DIPK1A: variants seen among roughly 807,000 people sequenced by gnomAD.
The protein encoded by DIPK1A is family with sequence similarity 69 member A.
DIPK1A carries 27 observed loss-of-function variants against 40.8 expected under a neutral mutation model. The observed-to-expected ratio is 0.66, with a 90% CI of 0.49 to 0.91. DIPK1A has a LOEUF of 0.91. DIPK1A is among the 40% of genes least tolerant of loss of function. The pLI, the probability that DIPK1A is intolerant of heterozygous loss-of-function variation, is 0.00. For missense variants in DIPK1A, 412 were observed against 505.7 expected, an observed-to-expected ratio of 0.81 and a Z score of 1.78; for synonymous variants, 166 against 171.3, an observed-to-expected ratio of 0.97 and a Z score of 0.24.
chr1:92,904,445 G>A (rs1198693382), intron 1 of DIPK1A, among the ~76,000 whole-genome samples: 1 of 152,104 alleles, frequency 6.6e-6, no homozygotes, highest in Admixed American at 6.5e-5. Flanking sequence ...TGTTTTAAGT[G>A]AATGTTGCTA....
chr1:92,919,336 T>C (rs17131670), intron 1 of DIPK1A, among the ~76,000 whole-genome samples: 5,263 of 152,204 alleles, frequency 0.035, 285 homozygotes, highest in African/African-American at 0.11. Flanking sequence ...TAGCTTCATC[T>C]CTCACCACCG....
intron 1 of DIPK1A, among the ~76,000 whole-genome samples, chr1:92,884,460 A>G (rs1283023535): frequency 6.6e-6 from 1 of 151,056 alleles, no homozygotes; most frequent in Non-Finnish European, 1.5e-5. Context: ...CTTAAAACAA[A>G]CAAACAAAAA....
At chr1:92,857,264 T>C (rs962095635) in intron 2 of DIPK1A, among the ~76,000 whole-genome samples, 1 of 151,656 alleles carries the variant, frequency 6.6e-6, no homozygotes, top group African/African-American at 2.4e-5. Flanking sequence ...GAAGCAAATA[T>C]GGCAAAAGGT....
chr1:92,858,799 G>A (rs1039594083), intron 2 of DIPK1A, among the ~76,000 whole-genome samples: 1 of 152,152 alleles, frequency 6.6e-6, no homozygotes, highest in Non-Finnish European at 1.5e-5. Flanking sequence ...AAGGATGGTT[G>A]GCCACGTACT....
intron 2 of DIPK1A, among the ~76,000 whole-genome samples, chr1:92,875,972 A>G (rs1350967505): frequency 6.6e-6 from 1 of 150,988 alleles, no homozygotes; most frequent in Non-Finnish European, 1.5e-5. Context: ...TTTATAGTCT[A>G]AACATTAAAA....
chr1:92,936,221 A>G (rs374341460), intron 1 of DIPK1A, among the ~76,000 whole-genome samples: 1 of 152,250 alleles, frequency 6.6e-6, no homozygotes, highest in Non-Finnish European at 1.5e-5. Context: ...AATGCAGTAC[A>G]GAGTTGAAGT....
chr1:92,943,361 A>AG (rs1033469078), intron 1 of DIPK1A, among the ~76,000 whole-genome samples: 25 of 152,184 alleles, frequency 1.6e-4, no homozygotes, highest in African/African-American at 5.3e-4. Flanking sequence ...GGAATGCTAG[A>AG]GGGAATCTAG....
intron 2 of DIPK1A, among the ~76,000 whole-genome samples, chr1:92,863,899 A>G (rs966408475): frequency 2.0e-5 from 3 of 152,112 alleles, no homozygotes; most frequent in African/African-American, 7.2e-5. Context: ...TACTAAAAAT[A>G]CAAAAAAATT....
chr1:92,903,017 AG>A (rs764565406), intron 1 of DIPK1A, among the ~76,000 whole-genome samples: 3 of 152,128 alleles, frequency 2.0e-5, no homozygotes, highest in Non-Finnish European at 4.4e-5. Context: ...TATGCATTGC[AG>A]TTTTAAAAAT....
At chr1:92,841,406 T>G (rs1221835993), downstream of DIPK1A, among the ~76,000 whole-genome samples, 4 of 152,240 alleles carry the variant, frequency 2.6e-5, no homozygotes, top group Non-Finnish European at 4.4e-5. Context: ...CCACATTTCC[T>G]TTATCCATTT....
chr1:92,939,540 T>A (rs1305887059), intron 1 of DIPK1A, among the ~76,000 whole-genome samples: 1 of 152,164 alleles, frequency 6.6e-6, no homozygotes, highest in Non-Finnish European at 1.5e-5. Flanking sequence ...CTGCTTCTAT[T>A]TGTAGACTTC....
At chr1:92,953,147 C>T (rs1331412969) in intron 1 of DIPK1A, among the ~76,000 whole-genome samples, 1 of 151,328 alleles carries the variant, frequency 6.6e-6, no homozygotes, top group African/African-American at 2.4e-5. Flanking sequence ...GGCCAAAAAG[C>T]ATATGAAAAG....
chr1:92,874,644 G>A (rs575806759), intron 2 of DIPK1A, among the ~76,000 whole-genome samples: 3 of 152,278 alleles, frequency 2.0e-5, no homozygotes, highest in Admixed American at 2.0e-4. Context: ...TTTTGAACTT[G>A]ATTATCTACC....
At chr1:92,897,587 C>T (rs1285383284) in intron 1 of DIPK1A, among the ~76,000 whole-genome samples, 1 of 152,064 alleles carries the variant, frequency 6.6e-6, no homozygotes, top group African/African-American at 2.4e-5. Context: ...AGCACACCAA[C>T]GTGGCACATG....
At position 92,896,236 on chromosome 1, in the gene DIPK1A, A is replaced by ATG. The variant is rs1649161185; in HGVS notation, c.55-19807_55-19806insCA. The stretch of plus-strand genomic sequence containing the variant: ...AAAAGAACAAAGCTGGAGGCATCTC[A>ATG]CTACCTGACTTCAAACTATACTACA... On this transcript the variant is annotated intron_variant, in intron 1 of 4. Transcript: ENST00000370310. Among the ~76,000 whole-genome samples the ATG allele has an allele frequency of 3.3e-5, 5 of 152,326 alleles. No individual in the cohort carries two copies. The South Asian group carries it at 1.0e-3, about 32-fold the overall frequency.
chr1:92,859,003 T>A (rs1688078857), intron 2 of DIPK1A, among the ~76,000 whole-genome samples: 1 of 152,220 alleles, frequency 6.6e-6, no homozygotes, highest in African/African-American at 2.4e-5. Flanking sequence ...TTCTCCTAAA[T>A]GCCTCTCTTG....
chr1:92,901,024 C>T (rs979331974), intron 1 of DIPK1A, among the ~76,000 whole-genome samples: 5 of 152,036 alleles, frequency 3.3e-5, no homozygotes, highest in African/African-American at 7.2e-5. Context: ...AGTACAATGA[C>T]TCTGTCCAGG....
At chr1:92,859,510 T>A (rs1490324190) in intron 2 of DIPK1A, among the ~76,000 whole-genome samples, 1 of 152,108 alleles carries the variant, frequency 6.6e-6, no homozygotes, top group Non-Finnish European at 1.5e-5. Flanking sequence ...GTTTAATATA[T>A]GTGTGTAAGT....
At chr1:92,883,945 G>A (rs1648489721) in intron 1 of DIPK1A, among the ~76,000 whole-genome samples, 1 of 152,158 alleles carries the variant, frequency 6.6e-6, no homozygotes, top group Non-Finnish European at 1.5e-5. Context: ...AGAATAGACA[G>A]CTTTCTTAGC....
Sources: allele counts gnomAD v4.1 joint callset (sites outside exome capture counted in the v4.1 genomes callset), GRCh38; gene constraint gnomAD v4.1.1; transcripts MANE v1.5; gene names NCBI Gene and HGNC (gene_info 2026-07-23, HGNC 2026-07-21).